The following FUT8 variants were observed in gnomAD, a reference collection of about 807,000 sequenced individuals.
FUT8 encodes the protein alpha-(1,6)-fucosyltransferase.
Under a neutral mutation model 71.3 loss-of-function variants are expected in FUT8, and 29 were observed. That is an observed-to-expected ratio of 0.41 (90% CI 0.30 to 0.55). The LOEUF (loss-of-function observed/expected upper bound fraction) is 0.55, where lower values mean the gene tolerates loss of function less well. Ranked by LOEUF, FUT8 falls within the 20% of genes least tolerant of loss-of-function variation. The pLI is 0.34. For missense variants in FUT8, 544 were observed against 702.1 expected (o/e 0.77, Z 2.55); for synonymous variants, 254 against 239.3 (o/e 1.06, Z -0.57).
chr14:65,621,896 C>A (rs1332691945), intron 5 of FUT8, among the ~76,000 whole-genome samples: 1 of 152,160 alleles, frequency 6.6e-6, no homozygotes, highest in Non-Finnish European at 1.5e-5. Flanking sequence ...ACGATCTTGG[C>A]TCACTGCAAC....
In FUT8 at chr14:65,725,672, C is replaced by A. The variant is rs1895647855; in HGVS notation, c.1259+1349C>A. ...TGTCTCCTTCACTAGATTATAAGTACTTTGGACATAATACCTAGCTGTAGT... is the reference window on the plus strand; with the variant it reads ...TGTCTCCTTCACTAGATTATAAGTAATTTGGACATAATACCTAGCTGTAGT... On this transcript the variant is annotated intron_variant, in intron 9 of 10. Coordinates refer to ENST00000673929, the MANE Select transcript of FUT8 (RefSeq NM_001371533.1). 1.3e-5 allele frequency among the ~76,000 whole-genome samples: 2 copies of A among 152,126 alleles called. 1 individual carries two copies. Among genetic ancestry groups the A allele is most frequent in the South Asian group, 4.1e-4 (2 of 4,822 alleles).
At chr14:65,463,379 A>G (rs1175237467) in intron 2 of FUT8, among the ~76,000 whole-genome samples, 2 of 152,026 alleles carry the variant, frequency 1.3e-5, no homozygotes, top group Non-Finnish European at 2.9e-5. Flanking sequence ...TGATTCTCCC[A>G]CATCAGCCTC....
the FUT8 span, among the ~76,000 whole-genome samples, chr14:65,380,569 C>CA: frequency 4.6e-5 from 7 of 152,182 alleles, no homozygotes. Flanking sequence ...TGTGGAGAGC[C>CA]AAGTAGGGAT....
At chr14:65,407,970 C>T (rs777178529), upstream of FUT8, among the ~76,000 whole-genome samples, 1 of 152,136 alleles carries the variant, frequency 6.6e-6, no homozygotes, top group Non-Finnish European at 1.5e-5. Flanking sequence ...TTCCTTCAGT[C>T]TGATTGGGCC....
intron 3 of FUT8, among the ~76,000 whole-genome samples, chr14:65,614,134 G>A (rs1889159358): frequency 6.6e-6 from 1 of 150,972 alleles, no homozygotes; most frequent in Admixed American, 6.6e-5. Flanking sequence ...AAAAGACTGT[G>A]TTGACATCTG....
intron 5 of FUT8, among the ~76,000 whole-genome samples, chr14:65,616,891 A>G (rs1889313357): frequency 6.6e-6 from 1 of 152,152 alleles, no homozygotes; most frequent in African/African-American, 2.4e-5. Flanking sequence ...TGCTGGAAAG[A>G]GGTACCTGAG....
At chr14:65,424,157 A>C (rs1046460689) in intron 1 of FUT8, among the ~76,000 whole-genome samples, 5 of 152,366 alleles carry the variant, frequency 3.3e-5, no homozygotes, top group Admixed American at 1.3e-4. Flanking sequence ...TTTTACTGGA[A>C]TATACAATTT....
chr14:65,702,472 A>G (rs549699606), intron 7 of FUT8, among the ~76,000 whole-genome samples: 16 of 152,322 alleles, frequency 1.1e-4, no homozygotes, highest in African/African-American at 3.6e-4. Flanking sequence ...GTTAGCTCTT[A>G]ATTCCAGTTG....
chr14:65,478,046 G>A (rs1382006098), intron 2 of FUT8, among the ~76,000 whole-genome samples: 1 of 152,034 alleles, frequency 6.6e-6, no homozygotes, highest in Non-Finnish European at 1.5e-5. Flanking sequence ...AAAATGTTGA[G>A]AGCCCTCTAA....
chr14:65,629,425 A>T, intron 5 of FUT8, 67 bp from the exon 6 acceptor site: 1 of 955,292 alleles, frequency 1.0e-6, no homozygotes, highest in Non-Finnish European at 1.7e-6. Context: ...CATTCTTCTT[A>T]AGACTTTGTG....
At chr14:65,360,161 G>T in the FUT8 span, among the ~76,000 whole-genome samples, 1 of 152,090 alleles carries the variant, frequency 6.6e-6, no homozygotes. Context: ...TATGTTGTGG[G>T]ACTAGCCCTC....
At chr14:65,514,533 C>A (rs1882577553) in intron 2 of FUT8, among the ~76,000 whole-genome samples, 1 of 152,174 alleles carries the variant, frequency 6.6e-6, no homozygotes, top group Admixed American at 6.5e-5. Flanking sequence ...TCTTGAGGGT[C>A]TTATCTTAGC....
chr14:65,469,130 T>G (rs927413414), intron 2 of FUT8, among the ~76,000 whole-genome samples: 6 of 152,094 alleles, frequency 3.9e-5, no homozygotes, highest in African/African-American at 1.2e-4. Context: ...CAGTGCGCTG[T>G]GAATCACCAC....
In FUT8 at chr14:65,536,461, C is replaced by T. The variant is rs1246933601; in HGVS notation, c.-227-24876C>T. ...AAGGCAAGTCTGGTGGTAATGAATTCCCTCAGCATTTGCTTGTCTGAAAAG... is the reference window on the plus strand; with the variant it reads ...AAGGCAAGTCTGGTGGTAATGAATTTCCTCAGCATTTGCTTGTCTGAAAAG... On this transcript the variant is annotated intron_variant, in intron 2 of 10. Coordinates refer to ENST00000673929, the MANE Select transcript of FUT8 (RefSeq NM_001371533.1). Among the ~76,000 whole-genome samples, 6 of 151,974 alleles carry T rather than the reference C, an allele frequency of 3.9e-5. No homozygotes were observed. In the South Asian group the frequency reaches 6.2e-4, roughly 16 times the overall value.
chr14:65,713,097 A>G (rs960999225), intron 7 of FUT8, among the ~76,000 whole-genome samples: 2 of 152,052 alleles, frequency 1.3e-5, no homozygotes, highest in African/African-American at 4.8e-5. Context: ...TCTACACTCT[A>G]TCTCCAAGAT....
intron 2 of FUT8, among the ~76,000 whole-genome samples, chr14:65,492,672 A>G (rs1036293771): frequency 6.6e-6 from 1 of 152,112 alleles, no homozygotes; most frequent in African/African-American, 2.4e-5. Flanking sequence ...TCAAGTACCT[A>G]ATATGTCAGA....
intron 2 of FUT8, among the ~76,000 whole-genome samples, chr14:65,516,666 C>T (rs1022411605): frequency 6.6e-6 from 1 of 151,820 alleles, no homozygotes; most frequent in Non-Finnish European, 1.5e-5. Flanking sequence ...ATTGAATATA[C>T]AAAATATTAT....
At chr14:65,508,655 C>T (rs758107803) in intron 2 of FUT8, among the ~76,000 whole-genome samples, 1 of 151,656 alleles carries the variant, frequency 6.6e-6, no homozygotes, top group Non-Finnish European at 1.5e-5. Context: ...TGCCTGCCAC[C>T]ACGCCCAGCT....
rs1268409431 is a variant in FUT8, at chr14:65,462,163, G to T, written c.-228+6445G>T. Among the ~76,000 whole-genome samples, 8 of 152,272 alleles carry T rather than the reference G, an allele frequency of 5.3e-5. No individual in the cohort carries two copies. The East Asian group carries it at 1.5e-3, about 29-fold the overall frequency. On this transcript the variant is annotated intron_variant, in intron 2 of 10. Transcript: ENST00000673929. ...TACTGTATTAATATTAGTCTTGTTG[G>T]AGTCACAAAAAGGGAATAGAAAATG...
Sources: gnomAD v4.1 joint callset for allele counts (sites outside exome capture counted in the v4.1 genomes callset) on GRCh38, gnomAD v4.1.1 for gene constraint, MANE v1.5 for transcripts, NCBI Gene and HGNC (gene_info 2026-07-23, HGNC 2026-07-21) for gene names.